TOX: variants seen among roughly 807,000 people sequenced by gnomAD.
TOX encodes thymocyte selection-associated high mobility group box protein TOX.
Under a neutral mutation model 53.7 loss-of-function variants are expected in TOX, and 11 were observed. That is an observed-to-expected ratio of 0.20 (90% CI 0.13 to 0.34). TOX has a LOEUF of 0.34. Among genes scored for constraint, TOX ranks in the 10% least tolerant of loss-of-function variants. The pLI is 1.00. For synonymous variants in TOX, 225 were observed against 245.3 expected (o/e 0.92, Z 0.77); for missense variants, 570 against 664.6 (o/e 0.86, Z 1.56).
At chr8:58,928,861 T>C (rs1045416961) in intron 3 of TOX, among the ~76,000 whole-genome samples, 1 of 152,164 alleles carries the variant, frequency 6.6e-6, no homozygotes, top group Admixed American at 6.5e-5. Context: ...CATCTACTGG[T>C]TAACACAGAA....
At chr8:59,068,659 A>G (rs1422670438) in intron 1 of TOX, among the ~76,000 whole-genome samples, 3 of 152,158 alleles carry the variant, frequency 2.0e-5, no homozygotes, top group African/African-American at 7.2e-5. Context: ...GTAATATTAT[A>G]CCCATTTTAA....
chr8:58,929,066 G>A (rs549748770), intron 3 of TOX, among the ~76,000 whole-genome samples: 42 of 152,108 alleles, frequency 2.8e-4, no homozygotes, highest in African/African-American at 9.2e-4. Flanking sequence ...AAATAAAAAT[G>A]CTACCCTGAA....
intron 7 of TOX, among the ~76,000 whole-genome samples, chr8:58,808,785 T>C (rs1459053906): frequency 6.6e-6 from 1 of 152,252 alleles, no homozygotes; most frequent in Non-Finnish European, 1.5e-5. Flanking sequence ...CTTCTTCTTT[T>C]ATTTGTATTT....
chr8:59,046,454 C>T (rs1803683148), intron 1 of TOX, among the ~76,000 whole-genome samples: 1 of 152,116 alleles, frequency 6.6e-6, no homozygotes, highest in Non-Finnish European at 1.5e-5. Context: ...TTTCAGAGAA[C>T]TAAATAATAA....
At chr8:58,832,749 A>T (rs956389637) in intron 5 of TOX, among the ~76,000 whole-genome samples, 2 of 152,188 alleles carry the variant, frequency 1.3e-5, no homozygotes, top group Non-Finnish European at 2.9e-5. Flanking sequence ...AATGAGTAGG[A>T]AATTACATTC....
intron 1 of TOX, among the ~76,000 whole-genome samples, chr8:59,005,392 T>C (rs1332336383): frequency 1.3e-5 from 2 of 152,198 alleles, no homozygotes; most frequent in Admixed American, 1.3e-4. Context: ...GTATTACAAC[T>C]AAAGTATCAT....
At chr8:58,821,583 G>GT (rs1810276900) in intron 6 of TOX, among the ~76,000 whole-genome samples, 1 of 152,036 alleles carries the variant, frequency 6.6e-6, no homozygotes, top group African/African-American at 2.4e-5. Context: ...CTTTCTGCCT[G>GT]TTGATTATTG....
chr8:58,899,253 C>T (rs1054979251), intron 3 of TOX, among the ~76,000 whole-genome samples: 6 of 152,196 alleles, frequency 3.9e-5, no homozygotes, highest in African/African-American at 1.4e-4. Flanking sequence ...ACTTCTTATT[C>T]TTTAGCAGGG....
chr8:58,914,377 T>C (rs1052328653), intron 3 of TOX, among the ~76,000 whole-genome samples: 1 of 152,200 alleles, frequency 6.6e-6, no homozygotes, highest in Non-Finnish European at 1.5e-5. Flanking sequence ...GACTCCCTAT[T>C]TCCTTTTGCA....
chr8:59,075,544 T>A (rs1221364531), intron 1 of TOX, among the ~76,000 whole-genome samples: 4 of 152,226 alleles, frequency 2.6e-5, no homozygotes, highest in Non-Finnish European at 4.4e-5. Flanking sequence ...CCATGCCATA[T>A]AAAACTCAGC....
intron 3 of TOX, among the ~76,000 whole-genome samples, chr8:58,860,225 C>A (rs1810985725): frequency 6.6e-6 from 1 of 152,128 alleles, no homozygotes; most frequent in South Asian, 2.1e-4. Context: ...ACTTCTTTAA[C>A]CCTCATTTTT....
chr8:59,074,863 T>C (rs1192648394), intron 1 of TOX, among the ~76,000 whole-genome samples: 1 of 152,162 alleles, frequency 6.6e-6, no homozygotes, highest in Non-Finnish European at 1.5e-5. Context: ...GCTGGCATTA[T>C]GTGGAGGCCA....
At chr8:59,111,392 A>T (rs896164101) in intron 1 of TOX, among the ~76,000 whole-genome samples, 2 of 152,140 alleles carry the variant, frequency 1.3e-5, no homozygotes, top group Non-Finnish European at 2.9e-5. Context: ...GAGTATCTTA[A>T]AAGGGAGTGG....
intron 1 of TOX, among the ~76,000 whole-genome samples, chr8:58,999,485 T>C (rs1198633494): frequency 2.6e-5 from 4 of 152,044 alleles, no homozygotes; most frequent in Non-Finnish European, 4.4e-5. Context: ...AAGACTATTG[T>C]AGAAATACTG....
rs547686899 is a variant in TOX, at chr8:59,003,540, T to G, written c.103-43532A>C. Among the ~76,000 whole-genome samples the G allele has an allele frequency of 6.0e-4, 91 of 152,246 alleles. 1 individual carries two copies. In the South Asian group the frequency reaches 0.018, roughly 31 times the overall value. On this transcript the variant is annotated intron_variant, in intron 1 of 8. Coordinates refer to ENST00000361421, the MANE Select transcript of TOX (RefSeq NM_014729.3). ...ACAACACAAGACTTTTTTTCAACAG[T>G]GAAAGACGGGGGGAAAAGGAATGAA...
At chr8:58,942,076 A>G (rs1812452727) in intron 2 of TOX, among the ~76,000 whole-genome samples, 1 of 151,850 alleles carries the variant, frequency 6.6e-6, no homozygotes. Flanking sequence ...AAAAAGAGAA[A>G]AGAGAAAGAA....
intron 3 of TOX, among the ~76,000 whole-genome samples, chr8:58,887,746 TAA>T (rs1811495060): frequency 6.6e-6 from 1 of 152,202 alleles, no homozygotes; most frequent in Admixed American, 6.6e-5. Flanking sequence ...CTGCCTTTCT[TAA>T]GTTTATTTTG....
chr8:59,044,949 G>GTCGTGGAATGCCT (rs1803658100), intron 1 of TOX, among the ~76,000 whole-genome samples: 1 of 152,212 alleles, frequency 6.6e-6, no homozygotes, highest in Non-Finnish European at 1.5e-5. Context: ...TGAAGTATTA[G>GTCGTGGAATGCCT]TCGTGGAATG....
chr8:59,054,355 C>G (rs1803846413), intron 1 of TOX, among the ~76,000 whole-genome samples: 1 of 152,128 alleles, frequency 6.6e-6, no homozygotes, highest in Non-Finnish European at 1.5e-5. Flanking sequence ...TTTCAACTAC[C>G]TGACAAATTT....
Sources: allele counts gnomAD v4.1 joint callset (sites outside exome capture counted in the v4.1 genomes callset), GRCh38; gene constraint gnomAD v4.1.1; transcripts MANE v1.5; gene names NCBI Gene and HGNC (gene_info 2026-07-23, HGNC 2026-07-21).